The following SCD5 variants were observed in gnomAD, a reference collection of about 807,000 sequenced individuals.
SCD5 encodes stearoyl-CoA desaturase 5.
SCD5 carries 20 observed loss-of-function variants against 30.4 expected under a neutral mutation model. The ratio of observed to expected loss-of-function variants is 0.66; its 90% CI spans 0.46 to 0.96. SCD5 has a LOEUF of 0.96. SCD5 is among the 40% of genes least tolerant of loss of function. The pLI is 0.00. For synonymous variants in SCD5, 173 were observed against 176.4 expected (o/e 0.98, Z 0.16); for missense variants, 381 against 443.3 (o/e 0.86, Z 1.26).
At chr4:82,769,550 G>C (rs1721572916) in intron 1 of SCD5, among the ~76,000 whole-genome samples, 1 of 152,058 alleles carries the variant, frequency 6.6e-6, no homozygotes, top group Non-Finnish European at 1.5e-5. Flanking sequence ...CTTGACAATT[G>C]TACTGATTCA....
intron 1 of SCD5, among the ~76,000 whole-genome samples, chr4:82,750,506 G>C (rs1482432958): frequency 6.6e-6 from 1 of 152,190 alleles, no homozygotes; most frequent in East Asian, 1.9e-4. Context: ...GACACTGACT[G>C]CAAGTGTCCA....
At chr4:82,643,960 A>AG (rs1294324314) in intron 3 of SCD5, among the ~76,000 whole-genome samples, 1 of 152,206 alleles carries the variant, frequency 6.6e-6, no homozygotes, top group East Asian at 1.9e-4. Flanking sequence ...CCAATCCTGG[A>AG]GGTGCTTTAT....
At chr4:82,787,867 C>G (rs1019345586) in intron 1 of SCD5, among the ~76,000 whole-genome samples, 1 of 152,102 alleles carries the variant, frequency 6.6e-6, no homozygotes, top group Non-Finnish European at 1.5e-5. Flanking sequence ...TCATTCTCTA[C>G]AAAAATAATA....
intron 1 of SCD5, among the ~76,000 whole-genome samples, chr4:82,771,242 T>C (rs1721614298): frequency 6.6e-6 from 1 of 152,196 alleles, no homozygotes; most frequent in Non-Finnish European, 1.5e-5. Flanking sequence ...GTGTTGGGAT[T>C]ACAGGCACGA....
intron 1 of SCD5, among the ~76,000 whole-genome samples, chr4:82,760,815 C>T (rs1337690894): frequency 6.6e-6 from 1 of 152,166 alleles, no homozygotes; most frequent in East Asian, 1.9e-4. Flanking sequence ...ATTCTTGCCG[C>T]ACCACAATTC....
intron 1 of SCD5, among the ~76,000 whole-genome samples, chr4:82,778,826 A>G (rs543423315): frequency 4.6e-5 from 7 of 152,258 alleles, no homozygotes; most frequent in Admixed American, 3.9e-4. Context: ...AGCAGAAGGT[A>G]ATTAAGCTCA....
intron 1 of SCD5, among the ~76,000 whole-genome samples, chr4:82,714,428 T>G (rs11734609): frequency 6.6e-6 from 1 of 151,898 alleles, no homozygotes; most frequent in Admixed American, 6.5e-5. Context: ...TAGGTAAACA[T>G]TGAACAAATC....
In SCD5 at chr4:82,657,480, C is replaced by G. The variant is rs140188116; in HGVS notation, c.570-20657G>C. ...TGTGTATCTGTTTTGGTACCAGTAC[C>G]ATGCTGTTTCAGTTACTGTAGCCTG... On this transcript the variant is annotated intron_variant, in intron 3 of 4. Transcript: ENST00000319540. 8.5e-5 allele frequency among the ~76,000 whole-genome samples: 13 copies of G among 152,258 alleles called. No individual in the cohort carries two copies. The East Asian group carries it at 2.3e-3, about 27-fold the overall frequency.
intron 2 of SCD5, among the ~76,000 whole-genome samples, chr4:82,699,240 G>T (rs569545409): frequency 6.6e-6 from 1 of 152,282 alleles, no homozygotes; most frequent in African/African-American, 2.4e-5. Context: ...GTAAGAGGGT[G>T]ACTTCTGGAG....
intron 1 of SCD5, among the ~76,000 whole-genome samples, chr4:82,764,730 C>T (rs1013588713): frequency 1.4e-5 from 2 of 143,190 alleles, no homozygotes; most frequent in African/African-American, 5.2e-5. Flanking sequence ...TCTTTTCTTT[C>T]TTTTTTTTTT....
chr4:82,714,809 G>A (rs1720189818), intron 1 of SCD5, among the ~76,000 whole-genome samples: 1 of 152,066 alleles, frequency 6.6e-6, no homozygotes, highest in Non-Finnish European at 1.5e-5. Context: ...TAAGTATATG[G>A]CAAATATTCC....
At chr4:82,711,497 T>C (rs2148829227) in intron 1 of SCD5, among the ~76,000 whole-genome samples, 1 of 152,286 alleles carries the variant, frequency 6.6e-6, no homozygotes, top group Admixed American at 6.5e-5. Flanking sequence ...GTGGATTACC[T>C]GAGCTCAGGA....
At chr4:82,678,555 T>C (rs1182985032) in intron 3 of SCD5, among the ~76,000 whole-genome samples, 1 of 152,228 alleles carries the variant, frequency 6.6e-6, no homozygotes, top group Non-Finnish European at 1.5e-5. Context: ...GCAACATCAT[T>C]TGTATCACAG....
chr4:82,671,072 A>C (rs1277693898), intron 3 of SCD5, among the ~76,000 whole-genome samples: 1 of 152,210 alleles, frequency 6.6e-6, no homozygotes, highest in Non-Finnish European at 1.5e-5. Flanking sequence ...TATAATAATC[A>C]AAAGAAGGTA....
chr4:82,656,675 C>T (rs912622775), intron 3 of SCD5, among the ~76,000 whole-genome samples: 11 of 152,210 alleles, frequency 7.2e-5, no homozygotes, highest in South Asian at 2.1e-4. Flanking sequence ...GGAATCACCA[C>T]ACTGTCTTCC....
chr4:82,693,441 A>G (rs1409181947), intron 2 of SCD5, among the ~76,000 whole-genome samples: 1 of 152,138 alleles, frequency 6.6e-6, no homozygotes, highest in African/African-American at 2.4e-5. Flanking sequence ...CTAGTTCAAG[A>G]TCAACTTTTT....
chr4:82,643,717 C>T (rs1426175765), intron 3 of SCD5, among the ~76,000 whole-genome samples: 1 of 152,180 alleles, frequency 6.6e-6, no homozygotes, highest in Non-Finnish European at 1.5e-5. Context: ...TTAATATTAT[C>T]TTTTGTATAT....
chr4:82,765,398 T>A (rs1254909186), intron 1 of SCD5, among the ~76,000 whole-genome samples: 2 of 152,172 alleles, frequency 1.3e-5, no homozygotes, highest in Admixed American at 1.3e-4. Context: ...GTATACATAG[T>A]CTTCCCTTGG....
intron 3 of SCD5, among the ~76,000 whole-genome samples, chr4:82,657,803 G>T (rs1218354780): frequency 6.6e-6 from 1 of 152,154 alleles, no homozygotes; most frequent in Non-Finnish European, 1.5e-5. Context: ...TCTCCTTGAA[G>T]AGGTCCTTCA....
Sources: gnomAD v4.1 joint callset for allele counts (sites outside exome capture counted in the v4.1 genomes callset) on GRCh38, gnomAD v4.1.1 for gene constraint, MANE v1.5 for transcripts, NCBI Gene and HGNC (gene_info 2026-07-23, HGNC 2026-07-21) for gene names.